IGFN1: variants seen among roughly 807,000 people sequenced by gnomAD.
The protein encoded by IGFN1 is immunoglobulin like and fibronectin type III domain containing 1.
IGFN1 carries 253 observed loss-of-function variants against 289.5 expected under a neutral mutation model. The ratio of observed to expected loss-of-function variants is 0.87; its 90% CI spans 0.79 to 0.97. IGFN1 has a LOEUF of 0.97. Ranked by LOEUF, IGFN1 falls within the 50% of genes least tolerant of loss-of-function variation. The pLI, the probability that IGFN1 is intolerant of heterozygous loss-of-function variation, is 0.00. For synonymous variants in IGFN1, 1,706 were observed against 1,788.5 expected, an observed-to-expected ratio of 0.95 and a Z score of 1.16; for missense variants, 4,470 against 4,686.1, an observed-to-expected ratio of 0.95 and a Z score of 1.35.
At chr1:201,206,039 C>T in intron 11 of IGFN1, 44 bp from the exon 12 acceptor site, 1 of 1,315,132 alleles carries the variant, frequency 7.6e-7, no homozygotes, top group Non-Finnish European at 1.1e-6. Flanking sequence ...TCTTGTCTCT[C>T]CATGTGGGCA....
At chr1:201,227,321 A>G (rs1477588618) in intron 23 of IGFN1, 113 bp downstream of exon 23, 1 of 742,720 alleles carries the variant, frequency 1.3e-6, no homozygotes, top group African/African-American at 1.8e-5. Context: ...GAGTCAGGAG[A>G]CCAGGACTCT....
In IGFN1 at chr1:201,207,978, G is replaced by A. The variant is rs960149157; in HGVS notation, c.3085G>A (p.Ala1029Thr). ...VWSGNEDSGP[A>T]GGGSGRVASL... is the part of the protein sequence containing the mutation. ...GTCTGGAAATGAAGATTCTGGCCCTGCAGGAGGAGGGTCTGGGAGAGTTGC... is the reference window on the plus strand; with the variant it reads ...GTCTGGAAATGAAGATTCTGGCCCTACAGGAGGAGGGTCTGGGAGAGTTGC... The change falls in exon 12 of 24, where the codon GCA becomes ACA. Residue 1029 changes from alanine to threonine, a missense_variant. Physicochemically the swap from Ala to Thr is moderately conservative, Grantham distance 58. Transcript: ENST00000335211. 2 of 1,536,834 alleles carry A rather than the reference G, an allele frequency of 1.3e-6. No individual in the cohort carries two copies. Among genetic ancestry groups the A allele is most frequent in the African/African-American group, 2.7e-5 (2 of 72,978 alleles).
At position 201,226,017 on chromosome 1, in the gene IGFN1, C is replaced by T; in HGVS notation, c.10680C>T (p.Gly3560=). Residue 3560 remains glycine (G), a synonymous_variant, in exon 22 of 24, where the codon GGC becomes GGT. Transcript: ENST00000335211. Reference sequence around the variant, plus strand: ...ACACCAACCGCTTCACCCTCCTGGGCATCCTCCCCGGCCACGAATACCACT... The same window carrying T: ...ACACCAACCGCTTCACCCTCCTGGGTATCCTCCCCGGCCACGAATACCACT... ...RIHTNRFTLL[G]ILPGHEYHFR... The T allele has an allele frequency of 6.3e-7, 1 of 1,581,960 alleles. No homozygotes were observed. The highest frequency in any genetic ancestry group is 1.3e-5 in the African/African-American group (1 of 74,150).
chr1:201,195,393 A>G (rs1222441255), intron 3 of IGFN1, among the ~76,000 whole-genome samples: 9 of 152,034 alleles, frequency 5.9e-5, no homozygotes, highest in African/African-American at 2.2e-4. Flanking sequence ...CTCAGGTGAT[A>G]CGACTGCCTT....
chr1:201,212,753 G>A lies in IGFN1; in HGVS notation c.7860G>A (p.Gly2620=). The A allele has an allele frequency of 6.4e-7, 1 of 1,551,570 alleles. No individual in the cohort carries two copies. Among genetic ancestry groups the A allele is most frequent in the Non-Finnish European group, 8.7e-7 (1 of 1,146,916 alleles). Reference sequence around the variant, plus strand: ...CATCAGGGCCTGCTGATAGACAAGGGACGAGCAATGCTTGGGCTCCTGATT... The same window carrying A: ...CATCAGGGCCTGCTGATAGACAAGGAACGAGCAATGCTTGGGCTCCTGATT... The part of the protein sequence containing the change: ...KSTSGPADRQ[G]TSNAWAPDWE... Residue 2620 remains glycine, a synonymous_variant, in exon 12 of 24, where the codon GGG becomes GGA. Coordinates refer to ENST00000335211, the MANE Select transcript of IGFN1 (RefSeq NM_001164586.2).
chr1:201,200,572 C>G (rs191911089), intron 8 of IGFN1, among the ~76,000 whole-genome samples, 161 bp downstream of exon 8: 78 of 152,272 alleles, frequency 5.1e-4, no homozygotes, highest in African/African-American at 1.8e-3. Flanking sequence ...CTGGCTAAGG[C>G]CCTGGGATCC....
intron 2 of IGFN1, 73 bp from the exon 3 acceptor site, chr1:201,194,081 C>T (rs567200080): frequency 2.2e-5 from 34 of 1,514,732 alleles, no homozygotes; most frequent in South Asian, 1.5e-4. Flanking sequence ...TGGGTGGATG[C>T]CCATTCTGTT....
chr1:201,219,896 T>G (rs938447458), intron 18 of IGFN1, among the ~76,000 whole-genome samples: 1 of 152,134 alleles, frequency 6.6e-6, no homozygotes, highest in South Asian at 2.1e-4. Flanking sequence ...GCCTGTCCTA[T>G]CTTTTCTTTT....
intron 9 of IGFN1, among the ~76,000 whole-genome samples, chr1:201,203,527 A>G (rs1458049439): frequency 6.6e-6 from 1 of 152,192 alleles, no homozygotes; most frequent in Non-Finnish European, 1.5e-5. Flanking sequence ...ACATTCCTAG[A>G]GCATGGATTC....
chr1:201,191,296 T>C (rs1346819447), intron 1 of IGFN1, among the ~76,000 whole-genome samples: 8 of 152,200 alleles, frequency 5.3e-5, no homozygotes, highest in Non-Finnish European at 8.8e-5. Flanking sequence ...GAACTCCATT[T>C]GGCTCTTCCT....
rs115956461 is a variant in IGFN1, at chr1:201,194,162, C to T, written c.16C>T (p.Arg6Trp). Residue 6 changes from arginine to tryptophan, a missense_variant, in exon 3 of 24, where the codon CGG becomes TGG. By Grantham distance (101) the Arg-to-Trp change is moderately radical. This residue lies in a region of IGFN1 where 2,011 missense variants were observed against 1,953.4 expected (regional missense o/e 1.03). Coordinates refer to ENST00000335211, the MANE Select transcript of IGFN1 (RefSeq NM_001164586.2). MAGKL[R>W]KSHIPGVSIW... ...CCTCCTGCATTCTCCAGGAAAGCTC[C>T]GGAAGTCCCACATCCCTGGAGTGAG... 2.0e-3 allele frequency: 3,041 copies of T among 1,551,436 alleles called. 53 individuals carry two copies. In the African/African-American group the frequency reaches 0.036, roughly 18 times the overall value.
At chr1:201,191,321 C>T (rs1426562958) in intron 1 of IGFN1, among the ~76,000 whole-genome samples, 1 of 152,150 alleles carries the variant, frequency 6.6e-6, no homozygotes, top group Non-Finnish European at 1.5e-5. Flanking sequence ...CAATTTCTAC[C>T]AGTTGAGAGG....
intron 10 of IGFN1, 31 bp from the exon 11 acceptor site, chr1:201,205,051 G>C: frequency 6.6e-7 from 1 of 1,518,014 alleles, no homozygotes; most frequent in Non-Finnish European, 8.9e-7. Context: ...ATACCATCAA[G>C]CTGATATCCC....
In IGFN1 at chr1:201,207,100, G is replaced by A. The variant is rs1667462448; in HGVS notation, c.2207G>A (p.Arg736Lys). The change falls in exon 12 of 24, where the codon AGA (arginine) becomes AAA (lysine). Residue 736 changes from arginine to lysine, a missense_variant. Physicochemically the swap from Arg to Lys is conservative, Grantham distance 26. Coordinates refer to ENST00000335211, the MANE Select transcript of IGFN1 (RefSeq NM_001164586.2). The stretch of plus-strand genomic sequence containing the variant: ...CAGGAACCATCAATATCAGGTGGTA[G>A]AAAATTCCTTCTGGGAGATGGGAGT... The part of the protein sequence containing the change: ...DFQEPSISGG[R>K]KFLLGDGSPE... 6.5e-7 allele frequency: 1 copy of A among 1,537,052 alleles called. No individual in the cohort carries two copies. Among genetic ancestry groups the A allele is most frequent in the East Asian group, 2.4e-5 (1 of 40,924 alleles).
Position 201,225,994 on chromosome 1 carries a change from A to T in IGFN1, c.10657A>T (p.Thr3553Ser), listed in dbSNP as rs765864268. 2 of 1,579,260 alleles carry T rather than the reference A, an allele frequency of 1.3e-6. No individual in the cohort carries two copies. Among genetic ancestry groups the T allele is most frequent in the African/African-American group, 1.4e-5 (1 of 74,018 alleles). ...PWHEAADRIH[T>S]NRFTLLGILP... is the part of the protein sequence containing the mutation. ...GCACGAGGCAGCCGACCGCATCCAC[A>T]CCAACCGCTTCACCCTCCTGGGCAT... The change falls in exon 22 of 24, where the codon ACC becomes TCC. Residue 3553 changes from threonine (T) to serine (S), a missense_variant. This residue lies in a region of IGFN1 where 2,218 missense variants were observed against 2,114.1 expected (regional missense o/e 1.05). Transcript: ENST00000335211.
intron 19 of IGFN1, chr1:201,222,523 C>T (rs996543188): frequency 1.1e-5 from 5 of 462,950 alleles, no homozygotes; most frequent in Non-Finnish European, 1.5e-5. Flanking sequence ...GCTCCTGTCC[C>T]TCCCCCGCTA....
At position 201,212,834 on chromosome 1, in the gene IGFN1, C is replaced by T. The variant is rs1312171541; in HGVS notation, c.7941C>T (p.Gly2647=). The T allele has an allele frequency of 6.4e-7, 1 of 1,551,310 alleles. No homozygotes were observed. Among genetic ancestry groups the T allele is most frequent in the South Asian group, 1.2e-5 (1 of 84,040 alleles). The part of the protein sequence containing the change: ...GSIDAGKQPA[G]SRASGSLQEK... ...TAGATGCTGGGAAGCAGCCCGCAGG[C>T]TCCAGAGCTTCCGGTTCTCTGCAGG... The change falls in exon 12 of 24, where the codon GGC becomes GGT. Residue 2647 remains glycine, a synonymous_variant. Transcript: ENST00000335211.
intron 23 of IGFN1, 52 bp downstream of exon 23, chr1:201,227,260 C>A (rs952381776): frequency 5.3e-5 from 76 of 1,440,972 alleles, no homozygotes; most frequent in Non-Finnish European, 6.9e-5. Flanking sequence ...AGGAGAGCAA[C>A]CACCTGCCTG....
intron 4 of IGFN1, among the ~76,000 whole-genome samples, chr1:201,196,985 C>T (rs1666948518): frequency 6.6e-6 from 1 of 152,092 alleles, no homozygotes; most frequent in African/African-American, 2.4e-5. Context: ...CCCCAAAAAG[C>T]ACACTCTTTC....
Sources: allele counts gnomAD v4.1 joint callset (sites outside exome capture counted in the v4.1 genomes callset), GRCh38; gene constraint gnomAD v4.1.1; regional missense constraint gnomAD v4.1.1; transcripts MANE v1.5; gene names NCBI Gene and HGNC (gene_info 2026-07-23, HGNC 2026-07-21).